USP14: variants seen among roughly 807,000 people sequenced by gnomAD.
The protein encoded by USP14 is ubiquitin specific peptidase 14, also known as ubiquitin carboxyl-terminal hydrolase 14.
USP14 carries 38 observed loss-of-function variants against 76.5 expected under a neutral mutation model. That is an observed-to-expected ratio of 0.50 (90% CI 0.38 to 0.65). The LOEUF is 0.65. Among genes scored for constraint, USP14 ranks in the 30% least tolerant of loss-of-function variants. USP14 has a pLI of 0.00. For missense variants in USP14, 467 were observed against 586.5 expected, an observed-to-expected ratio of 0.80 and a Z score of 2.10; for synonymous variants, 192 against 191.7, an observed-to-expected ratio of 1.00 and a Z score of -0.01.
chr18:194,339 C>T (rs905969559), intron 6 of USP14, among the ~76,000 whole-genome samples: 1 of 152,180 alleles, frequency 6.6e-6, no homozygotes, highest in Admixed American at 6.5e-5. Context: ...CTTAGAATTT[C>T]AGCAGCTTCT....
rs1910708783 is a variant in USP14 at position 212,833 on chromosome 18, G to A, written c.*1549G>A. The A allele has an allele frequency of 6.6e-6, 1 of 152,148 alleles. No homozygotes were observed. The highest frequency in any genetic ancestry group is 6.6e-5 in the Admixed American group (1 of 15,266). 9.4% of individuals were successfully genotyped at this position (152,148 alleles called of 1,614,324 possible). On this transcript the variant is annotated 3_prime_UTR_variant, in exon 16 of 16. Coordinates refer to ENST00000261601, the MANE Select transcript of USP14 (RefSeq NM_005151.4). ...TTTTGAGTTATTTATAATAAAGTTT[G>A]GGGATTATCATAACATCTCATATCT...
chr18:191,116 T>A (rs1475124728), intron 5 of USP14, among the ~76,000 whole-genome samples: 3 of 152,160 alleles, frequency 2.0e-5, no homozygotes, highest in Admixed American at 2.0e-4. Flanking sequence ...TCAGGGTATG[T>A]CTGCTATATT....
Position 197,672 on chromosome 18 carries a change from A to G in USP14, c.651A>G (p.Ala217=), listed in dbSNP as rs503086. ...MMRVLQQKLE[A]IEDDSVKETD... ...GAGTATTGCAACAGAAATTGGAAGC[A>G]ATAGAGGATGATTCTGTTAAAGAGG... The change falls in exon 8 of 16, where the codon GCA becomes GCG. Residue 217 remains alanine (A), a synonymous_variant. Transcript: ENST00000261601. 2 of 1,612,562 alleles carry G rather than the reference A, an allele frequency of 1.2e-6. No individual in the cohort carries two copies. Among genetic ancestry groups the G allele is most frequent in the South Asian group, 2.2e-5 (2 of 90,996 alleles).
At chr18:188,787 C>T (rs963583091) in intron 5 of USP14, among the ~76,000 whole-genome samples, 10 of 152,072 alleles carry the variant, frequency 6.6e-5, no homozygotes, top group Admixed American at 2.0e-4. Flanking sequence ...GAGCGATTCT[C>T]CTGCCTCAGC....
At chr18:171,019 AAAAAAAATATAT>A (rs1183412238) in intron 3 of USP14, among the ~76,000 whole-genome samples, 2,209 of 75,110 alleles carry the variant, frequency 0.029, 62 homozygotes, top group African/African-American at 0.096. Flanking sequence ...TAAAAAAAAA[AAAAAAAATATAT>A]ATATATATAT....
intron 14 of USP14, 149 bp downstream of exon 14, chr18:210,180 AATTTACTC>A: frequency 4.0e-6 from 3 of 742,718 alleles, no homozygotes; most frequent in Non-Finnish European, 4.3e-6. Context: ...ACATATAGTA[AATTTACTC>A]ATTGGCATAC....
At chr18:172,219 CAG>C (rs1347373313) in intron 3 of USP14, among the ~76,000 whole-genome samples, 1 of 152,130 alleles carries the variant, frequency 6.6e-6, no homozygotes, top group Non-Finnish European at 1.5e-5. Flanking sequence ...ATCTGAGTGA[CAG>C]AGTGAGACCC....
chr18:199,877 A>G (rs1910340282), intron 10 of USP14, among the ~76,000 whole-genome samples: 1 of 152,232 alleles, frequency 6.6e-6, no homozygotes, highest in Non-Finnish European at 1.5e-5. Flanking sequence ...GCAGTGGTTC[A>G]GTATTCATTG....
intron 2 of USP14, among the ~76,000 whole-genome samples, chr18:164,830 A>G (rs1314202910): frequency 1.3e-5 from 2 of 152,238 alleles, no homozygotes; most frequent in Non-Finnish European, 2.9e-5. Flanking sequence ...TAAAAAGAGA[A>G]GAAACCTAAT....
At chr18:158,839 G>A in intron 1 of USP14, 125 bp downstream of exon 1, 2 of 1,250,804 alleles carry the variant, frequency 1.6e-6, no homozygotes, top group Non-Finnish European at 2.0e-6. Context: ...GCGCGGGGCC[G>A]GCGGCGCGGA....
chr18:178,224 T>G (rs1485343295), intron 3 of USP14, among the ~76,000 whole-genome samples: 1 of 152,128 alleles, frequency 6.6e-6, no homozygotes, highest in African/African-American at 2.4e-5. Flanking sequence ...TTCGCCATGT[T>G]GCCCAGGCTA....
chr18:159,991 C>T (rs1184054853), intron 1 of USP14, among the ~76,000 whole-genome samples: 1 of 152,170 alleles, frequency 6.6e-6, no homozygotes, highest in Non-Finnish European at 1.5e-5. Context: ...AGTACTATTT[C>T]ATAAGATTTA....
In USP14 at chr18:207,057, TTTTTAAGAAGA is replaced by T. The variant is rs1452729713; in HGVS notation, c.1164+2366_1164+2376del. Among the ~76,000 whole-genome samples, 9 of 146,670 alleles carry T rather than the reference TTTTTAAGAAGA, an allele frequency of 6.1e-5. 1 individual carries two copies. The highest frequency in any genetic ancestry group is 1.9e-4 in the East Asian group (1 of 5,190). The stretch of plus-strand genomic sequence containing the variant: ...GAATATCTGGTTGTCTCAGCACCAT[TTTTTAAGAAGA>T]CTGTTCTTTGCCCATCAGATGGTCT... On this transcript the variant is annotated intron_variant, in intron 13 of 15. Transcript: ENST00000261601.
At chr18:197,999 T>A in intron 8 of USP14, 48 bp from the exon 9 acceptor site, 2 of 1,483,128 alleles carry the variant, frequency 1.3e-6, no homozygotes, top group Non-Finnish European at 9.2e-7. Context: ...GAAGAAAATC[T>A]ACATTAATAT....
chr18:199,461 C>T (rs1910328117), intron 10 of USP14, 145 bp downstream of exon 10: 1 of 560,526 alleles, frequency 1.8e-6, no homozygotes, highest in Non-Finnish European at 3.2e-6. Flanking sequence ...CACACAGTCC[C>T]ATCTGAGGTC....
chr18:192,741 C>A, intron 5 of USP14, 101 bp from the exon 6 acceptor site: 1 of 1,007,868 alleles, frequency 9.9e-7, no homozygotes, highest in Non-Finnish European at 1.5e-6. Flanking sequence ...GAGAAACTTG[C>A]AGTTGAGGGT....
At chr18:173,421 G>C (rs1027763205) in intron 3 of USP14, among the ~76,000 whole-genome samples, 1 of 142,316 alleles carries the variant, frequency 7.0e-6, no homozygotes, top group African/African-American at 2.6e-5. Context: ...TATATTGTCT[G>C]TTTTTTTGAG....
rs577937562 is a variant in USP14 at position 167,275 on chromosome 18, C to T, written c.195+456C>T. 7.9e-5 allele frequency among the ~76,000 whole-genome samples: 12 copies of T among 152,106 alleles called. No individual in the cohort carries two copies. The South Asian group carries it at 1.9e-3, about 24-fold the overall frequency. On this transcript the variant is annotated intron_variant, in intron 3 of 15. Coordinates refer to ENST00000261601, the MANE Select transcript of USP14 (RefSeq NM_005151.4). ...CCAGCCTGGCAACAGAGCGAGACTC[C>T]GTCTCCAAAAAAAGAGTCTTGAAAT...
chr18:202,933 G>A lies in USP14; in HGVS notation c.930G>A (p.Leu310=). Residue 310 remains leucine, a synonymous_variant, in exon 11 of 16, where the codon TTG becomes TTA. Transcript: ENST00000261601. ...KQSPTLQRNA[L]YIKSSKISRL... ...CTCCAACGTTGCAAAGAAATGCCTT[G>A]TATATCAAATCTGTAAGTTATGCAG... 6.2e-7 allele frequency: 1 copy of A among 1,614,068 alleles called. No homozygotes were observed. The highest frequency in any genetic ancestry group is 8.5e-7 in the Non-Finnish European group (1 of 1,179,980).
Sources: allele counts gnomAD v4.1 joint callset (sites outside exome capture counted in the v4.1 genomes callset), GRCh38; gene constraint gnomAD v4.1.1; transcripts MANE v1.5; gene names NCBI Gene and HGNC (gene_info 2026-07-23, HGNC 2026-07-21).